DLGAP1: variants seen among roughly 807,000 people sequenced by gnomAD.
The protein encoded by DLGAP1 is disks large-associated protein 1.
Under a neutral mutation model 90.8 loss-of-function variants are expected in DLGAP1, and 11 were observed. That is an observed-to-expected ratio of 0.12 (90% confidence interval 0.08 to 0.20). The LOEUF (loss-of-function observed/expected upper bound fraction) is 0.20, where lower values mean the gene tolerates loss of function less well. Among genes scored for constraint, DLGAP1 ranks in the 10% least tolerant of loss-of-function variants. DLGAP1 has a pLI of 1.00. For missense variants in DLGAP1, 1,050 were observed against 1,333.8 expected, an observed-to-expected ratio of 0.79 and a Z score of 3.31; for synonymous variants, 558 against 540.7, an observed-to-expected ratio of 1.03 and a Z score of -0.44.
At position 4,450,902 on chromosome 18, in the gene DLGAP1, C is replaced by T. The variant is rs1376302878; in HGVS notation, c.-267+4104G>A. On this transcript the variant is annotated intron_variant, in intron 1 of 12. Coordinates refer to ENST00000315677, the MANE Select transcript of DLGAP1 (RefSeq NM_004746.4). ...GTTCACAATTAGATATCCAGTGGGACAATCACATCCCAGCTATGCTGGTTG... is the reference window on the plus strand; with the variant it reads ...GTTCACAATTAGATATCCAGTGGGATAATCACATCCCAGCTATGCTGGTTG... Among the ~76,000 whole-genome samples, 6 of 152,172 alleles carry T rather than the reference C, an allele frequency of 3.9e-5. No individual in the cohort carries two copies. The East Asian group carries it at 1.2e-3, about 29-fold the overall frequency.
chr18:4,100,489 C>T (rs1253367414), intron 2 of DLGAP1, among the ~76,000 whole-genome samples: 2 of 152,210 alleles, frequency 1.3e-5, no homozygotes, highest in Admixed American at 1.3e-4. Flanking sequence ...ATTTAGCCTA[C>T]CTCTTAAAGG....
At chr18:4,035,678 G>C (rs374104020) in intron 2 of DLGAP1, among the ~76,000 whole-genome samples, 1 of 152,060 alleles carries the variant, frequency 6.6e-6, no homozygotes, top group South Asian at 2.1e-4. Context: ...TGCCACTTAC[G>C]CACTTAAAAA....
intron 3 of DLGAP1, among the ~76,000 whole-genome samples, chr18:3,918,921 G>C (rs2072206558): frequency 4.2e-5 from 5 of 118,706 alleles, no homozygotes; most frequent in Non-Finnish European, 1.9e-5. Context: ...TTAGGAACCT[G>C]TACACAGGGC....
intron 2 of DLGAP1, among the ~76,000 whole-genome samples, chr18:4,109,531 A>C (rs924567228): frequency 1.3e-5 from 2 of 150,616 alleles, no homozygotes; most frequent in Non-Finnish European, 2.9e-5. Flanking sequence ...CTGCTTCACT[A>C]CTTGGAGACC....
At chr18:3,790,847 A>G (rs1421554960) in intron 5 of DLGAP1, among the ~76,000 whole-genome samples, 1 of 152,198 alleles carries the variant, frequency 6.6e-6, no homozygotes, top group Admixed American at 6.5e-5. Flanking sequence ...GGGCTTCAGC[A>G]TCTGTCACAA....
chr18:4,244,624 G>T (rs532579522), intron 1 of DLGAP1, among the ~76,000 whole-genome samples: 1 of 152,250 alleles, frequency 6.6e-6, no homozygotes, highest in East Asian at 1.9e-4. Context: ...CTATATCAAA[G>T]GTTGTTCCCC....
intron 3 of DLGAP1, among the ~76,000 whole-genome samples, chr18:3,991,112 A>G (rs1243224783): frequency 6.6e-6 from 1 of 152,066 alleles, no homozygotes; most frequent in African/African-American, 2.4e-5. Flanking sequence ...ATAAAACTTT[A>G]TAGGTAATTT....
chr18:3,741,195 CACCAA>C (rs2062985777), intron 6 of DLGAP1, among the ~76,000 whole-genome samples: 2 of 106,456 alleles, frequency 1.9e-5, no homozygotes, highest in African/African-American at 7.3e-5. Context: ...CCACCACCAC[CACCAA>C]ATCACCACCA....
Position 3,499,106 on chromosome 18 carries a change from G to T in DLGAP1, c.*79C>A, listed in dbSNP as rs1052175100. ...AGCTCGGGAGCGGACGGGCTCGGAGGGGGAGAGGCAGCCGGCAGAGGAGCG... is the reference window on the plus strand; with the variant it reads ...AGCTCGGGAGCGGACGGGCTCGGAGTGGGAGAGGCAGCCGGCAGAGGAGCG... On this transcript the variant is annotated 3_prime_UTR_variant, in exon 13 of 13. Transcript: ENST00000315677. The surrounding 1 kb of genome is among the most constrained non-coding windows in gnomAD (Gnocchi z 6.4). The T allele has an allele frequency of 8.3e-6, 11 of 1,317,924 alleles. No homozygotes were observed. Among genetic ancestry groups the T allele is most frequent in the African/African-American group, 4.6e-5 (3 of 64,550 alleles). 81.6% of individuals were successfully genotyped at this position (1,317,924 alleles called of 1,614,324 possible). A position where few individuals can be genotyped will look rare whatever the true frequency, so the allele number is the denominator to read the frequency against.
chr18:3,967,571 G>A (rs904366453), intron 3 of DLGAP1, among the ~76,000 whole-genome samples: 1 of 152,116 alleles, frequency 6.6e-6, no homozygotes, highest in Non-Finnish European at 1.5e-5. Context: ...GAGAACCACT[G>A]GTAAGGAGGA....
intron 1 of DLGAP1, among the ~76,000 whole-genome samples, chr18:4,436,998 A>G (rs1027746533): frequency 3.3e-5 from 5 of 152,220 alleles, no homozygotes; most frequent in African/African-American, 1.2e-4. Flanking sequence ...ATCTCTAACA[A>G]TAGAAGGAAG....
At position 3,534,662 on chromosome 18, in the gene DLGAP1, TTTCCTTCC is replaced by T. The variant is rs539319280; in HGVS notation, c.2058-55_2058-48del. On this transcript the variant is annotated intron_variant, in intron 9 of 12. Coordinates refer to ENST00000315677, the MANE Select transcript of DLGAP1 (RefSeq NM_004746.4). ...AATTTAGTTAGAGGATATTTCTTTCTTTCCTTCCTTCCTTCCTTCCTTCCTTTCTTTCT... is the reference window on the plus strand; with the variant it reads ...AATTTAGTTAGAGGATATTTCTTTCTTTCCTTCCTTCCTTCCTTTCTTTCT... The T allele has an allele frequency of 2.0e-3, 2,750 of 1,407,086 alleles. 7 individuals carry two copies. The highest frequency in any genetic ancestry group is 2.3e-3 in the Non-Finnish European group (2,402 of 1,057,908). 87.2% of individuals were successfully genotyped at this position (1,407,086 alleles called of 1,614,324 possible).
At chr18:4,032,075 T>C (rs2074805086) in intron 2 of DLGAP1, among the ~76,000 whole-genome samples, 1 of 152,272 alleles carries the variant, frequency 6.6e-6, no homozygotes, top group Non-Finnish European at 1.5e-5. Flanking sequence ...TAAAAACATA[T>C]TGGTCATGGG....
rs150156077 is a variant in DLGAP1, at chr18:4,348,487, A to G, written c.-267+106519T>C. On this transcript the variant is annotated intron_variant, in intron 1 of 12. Transcript: ENST00000315677. Reference sequence around the variant, plus strand: ...GAGATGTGTGCGCATATGTGGATGTATATGTACACATATTTCCTAGCTCTG... The same window carrying G: ...GAGATGTGTGCGCATATGTGGATGTGTATGTACACATATTTCCTAGCTCTG... Among the ~76,000 whole-genome samples the G allele has an allele frequency of 7.9e-3, 1,200 of 151,360 alleles. 10 individuals carry two copies. Among genetic ancestry groups the G allele is most frequent in the Non-Finnish European group, 0.011 (765 of 67,834 alleles).
intron 7 of DLGAP1, among the ~76,000 whole-genome samples, chr18:3,641,779 G>T (rs990557354): frequency 2.0e-5 from 3 of 152,060 alleles, no homozygotes; most frequent in Admixed American, 6.6e-5. Context: ...TAGAACAGGT[G>T]GTTGTCTCAT....
chr18:4,398,392 G>A (rs111859719), intron 1 of DLGAP1, among the ~76,000 whole-genome samples: 154 of 152,266 alleles, frequency 1.0e-3, no homozygotes, highest in African/African-American at 3.6e-3. Flanking sequence ...AGAAGTTGAA[G>A]TCAAATACAG....
At position 3,772,372 on chromosome 18, in the gene DLGAP1, CTTTCTTTCTTTCTTTCTT is replaced by C. The variant is rs1324879950; in HGVS notation, c.1173-29878_1173-29861del. 6.1e-4 allele frequency among the ~76,000 whole-genome samples: 11 copies of C among 18,078 alleles called. 2 individuals are homozygous for C. The highest frequency in any genetic ancestry group is 1.8e-3 in the Non-Finnish European group (10 of 5,650). The allele number at this position is 18,078 out of a possible 152,430, so 11.9% of individuals were successfully genotyped here. The stretch of plus-strand genomic sequence containing the variant: ...TCTTTCTTTCTTTCTTTCTTTCTTT[CTTTCTTTCTTTCTTTCTT>C]TCTTTCTTTCTTTCTTTCTCTTTCT... On this transcript the variant is annotated intron_variant, in intron 5 of 12. Coordinates refer to ENST00000315677, the MANE Select transcript of DLGAP1 (RefSeq NM_004746.4).
chr18:4,137,355 T>C (rs1434931576), intron 2 of DLGAP1, among the ~76,000 whole-genome samples: 5 of 152,182 alleles, frequency 3.3e-5, no homozygotes, highest in Admixed American at 3.3e-4. Context: ...TATCCAGTTT[T>C]CCCAGCACCA....
rs76540818 is a variant in DLGAP1, at chr18:3,630,301, G to T, written c.1592-48053C>A. Among the ~76,000 whole-genome samples the T allele has an allele frequency of 7.3e-3, 1,113 of 152,196 alleles. 19 individuals are homozygous for T. Among genetic ancestry groups the T allele is most frequent in the African/African-American group, 0.025 (1,022 of 41,512 alleles). ...TCGGTTTTTTCCAGCCTTCAGACTT[G>T]GCCTGAAACATTGGTCCTCCTTGGG... On this transcript the variant is annotated intron_variant, in intron 7 of 12. Coordinates refer to ENST00000315677, the MANE Select transcript of DLGAP1 (RefSeq NM_004746.4).
Sources: gnomAD v4.1 joint callset for allele counts (sites outside exome capture counted in the v4.1 genomes callset) on GRCh38, gnomAD v4.1.1 for gene constraint, Gnocchi (gnomAD v3.1) non-coding constraint, MANE v1.5 for transcripts, NCBI Gene and HGNC (gene_info 2026-07-23, HGNC 2026-07-21) for gene names.